Variants in ARCN1 observed in about 807,000 individuals in gnomAD.
The protein encoded by ARCN1 is archain 1 coat protein complex I subunit delta.
A neutral mutation model predicts 60.4 loss-of-function variants in ARCN1; 5 were observed. The observed-to-expected ratio is 0.08, with a 90% CI of 0.04 to 0.17. The LOEUF is 0.17. Among genes scored for constraint, ARCN1 ranks in the 10% least tolerant of loss-of-function variants. ARCN1 has a pLI of 1.00. For missense variants in ARCN1, 464 were observed against 626.5 expected, an observed-to-expected ratio of 0.74 and a Z score of 2.77; for synonymous variants, 224 against 220.0, an observed-to-expected ratio of 1.02 and a Z score of -0.16.
rs1362611181 is a variant in ARCN1 at position 118,601,668 on chromosome 11, A to G, written c.*954A>G. 6 of 702,866 alleles carry G rather than the reference A, an allele frequency of 8.5e-6. No individual in the cohort carries two copies. The African/African-American group carries it at 8.7e-5, about 10-fold the overall frequency. The allele number at this position is 702,866 out of a possible 1,614,324, so 43.5% of individuals were successfully genotyped here. A position where few individuals can be genotyped will look rare whatever the true frequency, so the allele number is the denominator to read the frequency against. On this transcript the variant is annotated 3_prime_UTR_variant, in exon 10 of 10. Transcript: ENST00000264028. ...TGTCTTCTGTTCTTTTCCCGTATCA[A>G]TTCATTCCTTCATCTCTTTGCCAAG...
chr11:118,596,975 C>T (rs1385210628), intron 8 of ARCN1, among the ~76,000 whole-genome samples: 2 of 152,102 alleles, frequency 1.3e-5, no homozygotes, highest in African/African-American at 2.4e-5. Context: ...TTTGGGAGGC[C>T]GAGGCAAGTG....
chr11:118,595,918 T>G (rs896972847), intron 8 of ARCN1, among the ~76,000 whole-genome samples: 119 of 152,184 alleles, frequency 7.8e-4, no homozygotes, highest in African/African-American at 2.7e-3. Flanking sequence ...ATACAAAAAA[T>G]TAGCTGGGCC....
At position 118,590,106 on chromosome 11, in the gene ARCN1, C is replaced by T. The variant is rs557058820; in HGVS notation, c.819-235C>T. Among the ~76,000 whole-genome samples, 66 of 152,318 alleles carry T rather than the reference C, an allele frequency of 4.3e-4. No homozygotes were observed. The East Asian group carries it at 0.011, about 26-fold the overall frequency. On this transcript the variant is annotated intron_variant, in intron 5 of 9. Transcript: ENST00000264028. Reference sequence around the variant, plus strand: ...CTGCCTCGTGGTTCAAGCGATTCTCCTGCCTTAGCCTCCCAAGTAGCTGGG... The same window carrying T: ...CTGCCTCGTGGTTCAAGCGATTCTCTTGCCTTAGCCTCCCAAGTAGCTGGG...
At chr11:118,599,670 T>G (rs1555077826) in intron 9 of ARCN1, among the ~76,000 whole-genome samples, 1 of 152,222 alleles carries the variant, frequency 6.6e-6, no homozygotes, top group East Asian at 1.9e-4. Context: ...CCTCAGATGA[T>G]CCGCCCACCT....
chr11:118,592,088 A>G (rs1324673613), intron 6 of ARCN1, among the ~76,000 whole-genome samples: 1 of 151,888 alleles, frequency 6.6e-6, no homozygotes, highest in Non-Finnish European at 1.5e-5. Flanking sequence ...GTCCAGCCCC[A>G]GCTAACTTTT....
chr11:118,590,949 T>C lies in ARCN1; in HGVS notation c.984+443T>C, dbSNP rs138864666. 1.3e-4 allele frequency among the ~76,000 whole-genome samples: 20 copies of C among 152,288 alleles called. No homozygotes were observed. The East Asian group carries it at 2.7e-3, about 21-fold the overall frequency. On this transcript the variant is annotated intron_variant, in intron 6 of 9. Transcript: ENST00000264028. ...TGAAGGATCGCTTGAGCCCAGGAGT[T>C]CAAGAACAGCCTGAGCAATGAGGGC...
At position 118,581,352 on chromosome 11, in the gene ARCN1, C is replaced by G; in HGVS notation, c.110C>G (p.Pro37Arg). ...ATTGAGGGCTTATTAGCAGCTTTTCCAAAGCTCATGAACACTGGAAAACAA... is the reference window on the plus strand; with the variant it reads ...ATTGAGGGCTTATTAGCAGCTTTTCGAAAGCTCATGAACACTGGAAAACAA... ...TRIEGLLAAF[P>R]KLMNTGKQHT... The change falls in exon 2 of 10, where the codon CCA (proline) becomes CGA (arginine). Residue 37 changes from proline to arginine, a missense_variant. Around this residue, in one of 2 missense-constraint regions of ARCN1, gnomAD observed 105 missense variants for 186.3 expected, o/e 0.56. Transcript: ENST00000264028. 1 of 1,614,150 alleles carries G rather than the reference C, an allele frequency of 6.2e-7. No homozygotes were observed. The highest frequency in any genetic ancestry group is 1.1e-5 in the South Asian group (1 of 91,084).
chr11:118,599,930 A>G (rs781805377), intron 9 of ARCN1, among the ~76,000 whole-genome samples: 1 of 152,154 alleles, frequency 6.6e-6, no homozygotes, highest in Non-Finnish European at 1.5e-5. Context: ...TGTTAGTGAC[A>G]TAACCCCATC....
Position 118,593,649 on chromosome 11 carries a change from C to A in ARCN1, c.1192C>A (p.Gln398Lys), listed in dbSNP as rs782624812. 16 of 1,613,798 alleles carry A rather than the reference C, an allele frequency of 9.9e-6. No homozygotes were observed. In the South Asian group the frequency reaches 1.6e-4, roughly 17 times the overall value. ...GCDVNIEYEL[Q>K]EDNLELNDVV... is the part of the protein sequence containing the mutation. The stretch of plus-strand genomic sequence containing the variant: ...TGATGTCAACATAGAATATGAGCTA[C>A]AAGAAGATAATTTAGAACTGAATGA... The change falls in exon 8 of 10, where the codon CAA (glutamine) becomes AAA (lysine). Residue 398 changes from glutamine to lysine, a missense_variant. Physicochemically the swap from Gln to Lys is moderately conservative, Grantham distance 53 (BLOSUM62 1). This residue lies in a region of ARCN1 where 359 missense variants were observed against 440.2 expected (regional missense o/e 0.82). Transcript: ENST00000264028.
chr11:118,582,385 G>A (rs560706793), intron 2 of ARCN1, among the ~76,000 whole-genome samples: 18 of 151,974 alleles, frequency 1.2e-4, no homozygotes, highest in South Asian at 2.1e-4. Flanking sequence ...CTATCTTGGC[G>A]TCCCGAAGTG....
chr11:118,591,167 G>C (rs1045065291), intron 6 of ARCN1, among the ~76,000 whole-genome samples: 7 of 152,216 alleles, frequency 4.6e-5, no homozygotes, highest in African/African-American at 1.7e-4. Context: ...CCAACTATTG[G>C]ATAGATATAT....
rs568103215 is a variant in ARCN1 at position 118,599,919 on chromosome 11, CTG to C, written c.1447-704_1447-703del. ...CAAAGAGCAGTTCTCTCTCCCTATC[CTG>C]TTAGTGACATAACCCCATCAGTGTT... On this transcript the variant is annotated intron_variant, in intron 9 of 9. Transcript: ENST00000264028. Among the ~76,000 whole-genome samples, 154 of 152,250 alleles carry C rather than the reference CTG, an allele frequency of 1.0e-3. 1 individual carries two copies. The highest frequency in any genetic ancestry group is 3.7e-3 in the African/African-American group (152 of 41,520).
chr11:118,593,470 A>T, intron 7 of ARCN1, 120 bp from the exon 8 acceptor site: 1 of 605,968 alleles, frequency 1.7e-6, no homozygotes, highest in Non-Finnish European at 2.9e-6. Flanking sequence ...GCCTCAACCA[A>T]TCCTCCCACC....
intron 2 of ARCN1, 21 bp from the exon 3 acceptor site, chr11:118,583,158 T>C: frequency 6.2e-7 from 1 of 1,611,608 alleles, no homozygotes; most frequent in Non-Finnish European, 8.5e-7. Context: ...ATCTTTCTTT[T>C]TTATTGGTGT....
At chr11:118,582,724 T>TCAAAAAAAAAAAAA (rs1565360744) in intron 2 of ARCN1, among the ~76,000 whole-genome samples, 22 of 127,288 alleles carry the variant, frequency 1.7e-4, no homozygotes, top group African/African-American at 5.5e-4. Context: ...AGACTTTGTC[T>TCAAAAAAAAAAAAA]TAAAAAAAAA....
intron 7 of ARCN1, among the ~76,000 whole-genome samples, 153 bp from the exon 8 acceptor site, chr11:118,593,437 C>T (rs1555076638): frequency 7.0e-6 from 1 of 142,368 alleles, no homozygotes; most frequent in Non-Finnish European, 1.5e-5. Flanking sequence ...CACTTTGTTG[C>T]CTAGGCTGGT....
chr11:118,577,252 C>CTT (rs542792348), intron 1 of ARCN1, among the ~76,000 whole-genome samples: 148 of 145,584 alleles, frequency 1.0e-3, no homozygotes, highest in African/African-American at 3.7e-3. Context: ...TTCTTTCTTT[C>CTT]TTTTTTTTTT....
intron 5 of ARCN1, among the ~76,000 whole-genome samples, chr11:118,588,188 G>A (rs1302818116): frequency 6.6e-6 from 1 of 152,138 alleles, no homozygotes; most frequent in Admixed American, 6.5e-5. Context: ...ACTGGGCAAG[G>A]GTATGACCTA....
chr11:118,595,936 G>A (rs1009353560), intron 8 of ARCN1, among the ~76,000 whole-genome samples: 8 of 152,232 alleles, frequency 5.3e-5, no homozygotes, highest in East Asian at 3.9e-4. Context: ...GCCTGGTGGC[G>A]GGCGCCTGTA....
Sources: gnomAD v4.1 joint callset for allele counts (sites outside exome capture counted in the v4.1 genomes callset) on GRCh38, gnomAD v4.1.1 for gene constraint, gnomAD v4.1.1 regional missense constraint, MANE v1.5 for transcripts, NCBI Gene and HGNC (gene_info 2026-07-23, HGNC 2026-07-21) for gene names.